SLC9A3: variants seen among roughly 807,000 people sequenced by gnomAD.
SLC9A3 encodes the protein sodium/hydrogen exchanger 3.
Under a neutral mutation model 86.8 loss-of-function variants are expected in SLC9A3, and 37 were observed. The ratio of observed to expected loss-of-function variants is 0.43; its 90% CI spans 0.33 to 0.56. The LOEUF (loss-of-function observed/expected upper bound fraction) is 0.56. Ranked by LOEUF, SLC9A3 falls within the 20% of genes least tolerant of loss-of-function variation. The pLI is 0.06. For missense variants in SLC9A3, 1,011 were observed against 1,171.9 expected (o/e 0.86, Z 2.00); for synonymous variants, 581 against 528.3 (o/e 1.10, Z -1.37).
In SLC9A3 at chr5:470,492, C is replaced by CA. The variant is rs971120359; in HGVS notation, c.*2886dup. On this transcript the variant is annotated 3_prime_UTR_variant, in exon 17 of 17. Transcript: ENST00000264938. ...TAGGTGGATATTTCTCTTTTATAAA[C>CA]AAAGTTTGCACCCAAAATGCCTTGA... The CA allele has an allele frequency of 1.3e-5, 2 of 152,374 alleles. No homozygotes were observed. Among genetic ancestry groups the CA allele is most frequent in the African/African-American group, 4.8e-5 (2 of 41,462 alleles). 9.4% of individuals were successfully genotyped at this position (152,374 alleles called of 1,614,324 possible).
At chr5:477,546 A>T in intron 10 of SLC9A3, 102 bp from the exon 11 acceptor site, 1 of 765,104 alleles carries the variant, frequency 1.3e-6, no homozygotes, top group Non-Finnish European at 2.1e-6. Flanking sequence ...GGGCCCGGGG[A>T]AAGCCTTGAG....
chr5:512,190 C>T (rs1048367581), intron 1 of SLC9A3, among the ~76,000 whole-genome samples: 5 of 152,174 alleles, frequency 3.3e-5, no homozygotes, highest in African/African-American at 4.8e-5. Context: ...GGATCCATGT[C>T]GTTGTACCCA....
In SLC9A3 at chr5:524,261, C is replaced by A. The variant is rs1733970964; in HGVS notation, c.62G>T (p.Gly21Val). The change falls in exon 1 of 17, where the codon GGG becomes GTG. Residue 21 changes from glycine to valine, a missense_variant. Physicochemically the swap from Gly to Val is moderately radical, Grantham distance 109 (BLOSUM62 -3). Transcript: ENST00000264938. ...RGLLLALALGGLARAGGVEVE... is the reference protein window; with the variant it reads ...RGLLLALALGVLARAGGVEVE... ...CTCGACGCCCCCGGCCCGCGCCAGCCCGCCCAGCGCCAGCGCCAGCAGCAG... is the reference window on the plus strand; with the variant it reads ...CTCGACGCCCCCGGCCCGCGCCAGCACGCCCAGCGCCAGCGCCAGCAGCAG... 4 of 1,389,830 alleles carry A rather than the reference C, an allele frequency of 2.9e-6. No individual in the cohort carries two copies. The highest frequency in any genetic ancestry group is 3.4e-5 in the Admixed American group (1 of 29,320). 86.1% of individuals were successfully genotyped at this position (1,389,830 alleles called of 1,614,324 possible).
At chr5:522,290 C>T (rs1049187894) in intron 1 of SLC9A3, among the ~76,000 whole-genome samples, 1 of 152,236 alleles carries the variant, frequency 6.6e-6, no homozygotes, top group East Asian at 1.9e-4. Flanking sequence ...GACCTGAAGG[C>T]TTTTCCCTGT....
At chr5:495,193 G>A (rs999670712) in intron 1 of SLC9A3, among the ~76,000 whole-genome samples, 1 of 152,088 alleles carries the variant, frequency 6.6e-6, no homozygotes, top group Admixed American at 6.5e-5. Context: ...CTTGGCCCGG[G>A]GTCTTTTTGT....
chr5:488,184 C>T (rs992182640), intron 3 of SLC9A3, 132 bp downstream of exon 3: 21 of 963,922 alleles, frequency 2.2e-5, no homozygotes, highest in South Asian at 9.4e-5. Context: ...GGTGGAGGGA[C>T]GGGACGCCCC....
intron 3 of SLC9A3, among the ~76,000 whole-genome samples, chr5:487,670 C>A (rs752316552): frequency 6.6e-6 from 1 of 152,200 alleles, no homozygotes; most frequent in East Asian, 1.9e-4. Flanking sequence ...TTGCTATTCA[C>A]GTATTTATTT....
rs1371064935 is a variant in SLC9A3 at position 485,140 on chromosome 5, C to T, written c.754+13G>A. On this transcript the variant is annotated intron_variant, in intron 4 of 16. Coordinates refer to ENST00000264938, the MANE Select transcript of SLC9A3 (RefSeq NM_004174.4). ...ACACGGCCGCCCACTCCCCCTGACC[C>T]ACAGCTACACACCTATGCCCTTCAC... is the stretch of plus-strand genomic sequence containing the variant. The T allele has an allele frequency of 6.2e-7, 1 of 1,605,588 alleles. No individual in the cohort carries two copies. Among genetic ancestry groups the T allele is most frequent in the Non-Finnish European group, 8.5e-7 (1 of 1,172,254 alleles).
At chr5:482,875 C>G (rs755362202) in intron 6 of SLC9A3, 125 bp from the exon 7 acceptor site, 5 of 736,650 alleles carry the variant, frequency 6.8e-6, no homozygotes, top group Middle Eastern at 3.8e-4. Context: ...ACCCTAGATA[C>G]GGCGTCCCCA....
At chr5:519,923 C>T (rs1733838014) in intron 1 of SLC9A3, among the ~76,000 whole-genome samples, 1 of 152,224 alleles carries the variant, frequency 6.6e-6, no homozygotes, top group Non-Finnish European at 1.5e-5. Flanking sequence ...GCGCGAGGCA[C>T]TGCAGACTCC....
At chr5:513,990 T>A (rs1736134095) in intron 1 of SLC9A3, among the ~76,000 whole-genome samples, 1 of 152,240 alleles carries the variant, frequency 6.6e-6, no homozygotes. Context: ...CAGTTCCGCC[T>A]GAAGAGATTC....
intron 3 of SLC9A3, among the ~76,000 whole-genome samples, chr5:486,778 G>A (rs1739490861): frequency 6.6e-6 from 1 of 152,206 alleles, no homozygotes; most frequent in African/African-American, 2.4e-5. Context: ...ATTCACGCAG[G>A]GACGGCCACG....
intron 1 of SLC9A3, among the ~76,000 whole-genome samples, chr5:515,498 T>C (rs10078684): frequency 0.87 from 132,021 of 152,004 alleles, 57,572 homozygotes; most frequent in African/African-American, 0.9. Context: ...GGCAGTCGGA[T>C]AGAACAGGGA....
intron 1 of SLC9A3, among the ~76,000 whole-genome samples, chr5:503,466 C>G (rs547564816): frequency 6.6e-6 from 1 of 152,122 alleles, no homozygotes; most frequent in African/African-American, 2.4e-5. Context: ...TGAGCCTGGG[C>G]GGGTTGAGGC....
At chr5:515,266 C>T (rs1206906088) in intron 1 of SLC9A3, among the ~76,000 whole-genome samples, 1 of 152,142 alleles carries the variant, frequency 6.6e-6, no homozygotes, top group African/African-American at 2.4e-5. Context: ...ATGTGCCGCT[C>T]CCCATTTGTG....
chr5:509,979 G>T (rs1486965867), intron 1 of SLC9A3, among the ~76,000 whole-genome samples: 1 of 152,222 alleles, frequency 6.6e-6, no homozygotes, highest in East Asian at 1.9e-4. Flanking sequence ...GCTTCCCAGG[G>T]CCTGAGCAAG....
rs901858274 is a variant in SLC9A3 at position 513,828 on chromosome 5, T to C, written c.211+10284A>G. ...GCTTTAACTTCCCACGGCCAGCCCTTGTGTTGCGGATTTAGGTCGAACGCA... is the reference window on the plus strand; with the variant it reads ...GCTTTAACTTCCCACGGCCAGCCCTCGTGTTGCGGATTTAGGTCGAACGCA... On this transcript the variant is annotated intron_variant, in intron 1 of 16. Coordinates refer to ENST00000264938, the MANE Select transcript of SLC9A3 (RefSeq NM_004174.4). 4.6e-5 allele frequency among the ~76,000 whole-genome samples: 7 copies of C among 152,234 alleles called. 1 individual carries two copies. Among genetic ancestry groups the C allele is most frequent in the Admixed American group, 6.5e-5 (1 of 15,290 alleles).
At chr5:489,899 T>G (rs1739645074) in intron 2 of SLC9A3, among the ~76,000 whole-genome samples, 1 of 152,228 alleles carries the variant, frequency 6.6e-6, no homozygotes, top group Non-Finnish European at 1.5e-5. Flanking sequence ...CAGGCCTTTC[T>G]CCACCACGTG....
chr5:502,359 C>G (rs1187589440), intron 1 of SLC9A3, among the ~76,000 whole-genome samples: 1 of 152,172 alleles, frequency 6.6e-6, no homozygotes, highest in Admixed American at 6.5e-5. Context: ...CCAAGCTGCC[C>G]ACAGCAGAGG....
Sources: gnomAD v4.1 joint callset for allele counts (sites outside exome capture counted in the v4.1 genomes callset) on GRCh38, gnomAD v4.1.1 for gene constraint, MANE v1.5 for transcripts, NCBI Gene and HGNC (gene_info 2026-07-23, HGNC 2026-07-21) for gene names.